UBXN4: variants seen among roughly 807,000 people sequenced by gnomAD.
UBXN4 encodes UBX domain protein 4, also known as UBX domain-containing protein 4.
Under a neutral mutation model 66.2 loss-of-function variants are expected in UBXN4, and 35 were observed. That is an observed-to-expected ratio of 0.53 (90% CI 0.40 to 0.70). The LOEUF is 0.70. UBXN4 is among the 30% of genes least tolerant of loss of function. The pLI, the probability that UBXN4 is intolerant of heterozygous loss-of-function variation, is 0.00. For synonymous variants in UBXN4, 203 were observed against 204.5 expected (o/e 0.99, Z 0.06); for missense variants, 533 against 599.8 (o/e 0.89, Z 1.16).
chr2:135,750,074 G>T (rs2077232515), intron 2 of UBXN4, among the ~76,000 whole-genome samples: 2 of 152,200 alleles, frequency 1.3e-5, no homozygotes, highest in African/African-American at 4.8e-5. Context: ...TCAGAAGACA[G>T]ATAATACCCT....
At chr2:135,757,766 T>G (rs957842643) in intron 5 of UBXN4, among the ~76,000 whole-genome samples, 2 of 152,088 alleles carry the variant, frequency 1.3e-5, no homozygotes. Flanking sequence ...AATCTCAGTT[T>G]TTTTTTAGCT....
In UBXN4 at chr2:135,784,388, T is replaced by G. The variant is rs576801933; in HGVS notation, c.*1501T>G. On this transcript the variant is annotated 3_prime_UTR_variant, in exon 13 of 13. Coordinates refer to ENST00000272638, the MANE Select transcript of UBXN4 (RefSeq NM_014607.4). The stretch of plus-strand genomic sequence containing the variant: ...AGTGTTGGGGGAAAAAGCAGCAGGA[T>G]CCAGAGCTATAGGTACAGTGTGATC... 1 of 152,284 alleles carries G rather than the reference T, an allele frequency of 6.6e-6. No individual in the cohort carries two copies. The highest frequency in any genetic ancestry group is 1.9e-4 in the East Asian group (1 of 5,194). The allele number at this position is 152,284 out of a possible 1,614,324, so 9.4% of individuals were successfully genotyped here.
intron 9 of UBXN4, among the ~76,000 whole-genome samples, chr2:135,775,294 C>G (rs1282051060): frequency 6.6e-6 from 1 of 152,190 alleles, no homozygotes; most frequent in Non-Finnish European, 1.5e-5. Flanking sequence ...TCTACAGCAG[C>G]AGTTTATACA....
Position 135,782,760 on chromosome 2 carries a change from G to C in UBXN4, c.1400G>C (p.Arg467Thr). 2.5e-6 allele frequency: 4 copies of C among 1,613,536 alleles called. No homozygotes were observed. The highest frequency in any genetic ancestry group is 3.4e-6 in the Non-Finnish European group (4 of 1,179,784). Residue 467 changes from arginine (R) to threonine (T), a missense_variant, in exon 13 of 13, where the codon AGA (arginine) becomes ACA (threonine). Coordinates refer to ENST00000272638, the MANE Select transcript of UBXN4 (RefSeq NM_014607.4). Reference sequence around the variant, plus strand: ...CTTTTTCGTATCAGGGAACCAGTGAGAAAAAGAGTGCTGGAAAAACGTGGA... The same window carrying C: ...CTTTTTCGTATCAGGGAACCAGTGACAAAAAGAGTGCTGGAAAAACGTGGA... Reference protein sequence around the residue: ...SSKSEKREPVRKRVLEKRGDD... With the variant: ...SSKSEKREPVTKRVLEKRGDD...
At chr2:135,759,830 G>A (rs754482757) in intron 5 of UBXN4, among the ~76,000 whole-genome samples, 19 of 143,468 alleles carry the variant, frequency 1.3e-4, no homozygotes, top group Non-Finnish European at 2.4e-4. Flanking sequence ...GTGCAGTGGC[G>A]CTATCTTGGC....
intron 8 of UBXN4, 83 bp from the exon 9 acceptor site, chr2:135,772,337 A>T: frequency 2.0e-6 from 3 of 1,531,120 alleles, no homozygotes; most frequent in Non-Finnish European, 2.6e-6. Flanking sequence ...TAAAAAAAAA[A>T]AATTCCATGC....
At chr2:135,769,725 A>AT (rs1314266627) in intron 6 of UBXN4, 44 bp from the exon 7 acceptor site, 5 of 1,385,754 alleles carry the variant, frequency 3.6e-6, no homozygotes, top group Non-Finnish European at 4.9e-6. Flanking sequence ...TTATATTAAT[A>AT]TGATGTGTCT....
intron 5 of UBXN4, among the ~76,000 whole-genome samples, chr2:135,760,961 A>G (rs2077311852): frequency 6.6e-6 from 1 of 152,208 alleles, no homozygotes; most frequent in Non-Finnish European, 1.5e-5. Context: ...TTTTACTACT[A>G]CTGTAGTAAC....
Position 135,768,112 on chromosome 2 carries a change from A to C in UBXN4, c.603-1657A>C, listed in dbSNP as rs543255402. Among the ~76,000 whole-genome samples the C allele has an allele frequency of 3.9e-5, 6 of 152,306 alleles. No individual in the cohort carries two copies. In the South Asian group the frequency reaches 1.2e-3, roughly 32 times the overall value. Reference sequence around the variant, plus strand: ...TATAATTCACTACCATGAAATTGAAAGTGTACAATTCAGTGAGTTTTAGTA... The same window carrying C: ...TATAATTCACTACCATGAAATTGAACGTGTACAATTCAGTGAGTTTTAGTA... On this transcript the variant is annotated intron_variant, in intron 6 of 12. Transcript: ENST00000272638.
intron 6 of UBXN4, among the ~76,000 whole-genome samples, chr2:135,768,959 C>CCT (rs1476878798): frequency 6.6e-6 from 1 of 152,056 alleles, no homozygotes. Flanking sequence ...GCCTCAGCCT[C>CCT]CTGCAGTGCT....
chr2:135,751,502 C>G (rs947806206), intron 2 of UBXN4, among the ~76,000 whole-genome samples: 1 of 151,314 alleles, frequency 6.6e-6, no homozygotes, highest in African/African-American at 2.4e-5. Flanking sequence ...AAACAAATTT[C>G]TATTAGCAGA....
At chr2:135,777,809 G>A (rs1254276529) in intron 10 of UBXN4, among the ~76,000 whole-genome samples, 1 of 151,560 alleles carries the variant, frequency 6.6e-6, no homozygotes. Flanking sequence ...CTTGAACCCA[G>A]GAGGCAGAGG....
intron 6 of UBXN4, among the ~76,000 whole-genome samples, chr2:135,766,164 A>C (rs1239642476): frequency 2.0e-5 from 3 of 152,160 alleles, no homozygotes; most frequent in African/African-American, 7.2e-5. Flanking sequence ...AAAAAAAAAA[A>C]AAAGTCGAAG....
At chr2:135,767,219 G>A (rs1178760669) in intron 6 of UBXN4, among the ~76,000 whole-genome samples, 1 of 152,102 alleles carries the variant, frequency 6.6e-6, no homozygotes, top group Non-Finnish European at 1.5e-5. Context: ...AAATTAGCTG[G>A]GCGTGGGGGT....
intron 2 of UBXN4, among the ~76,000 whole-genome samples, chr2:135,751,725 T>A (rs1335284841): frequency 6.6e-6 from 1 of 152,000 alleles, no homozygotes; most frequent in Non-Finnish European, 1.5e-5. Flanking sequence ...GTAAAAAGTT[T>A]ACAATTATTT....
At chr2:135,748,674 G>A (rs1365569121) in intron 2 of UBXN4, among the ~76,000 whole-genome samples, 1 of 150,918 alleles carries the variant, frequency 6.6e-6, no homozygotes. Context: ...ACAGTGAGCT[G>A]TGATCATGCC....
At chr2:135,761,262 A>G (rs532572018) in intron 5 of UBXN4, among the ~76,000 whole-genome samples, 1 of 152,366 alleles carries the variant, frequency 6.6e-6, no homozygotes, top group Non-Finnish European at 1.5e-5. Flanking sequence ...GAAAACTAGC[A>G]TAAAGAGGCT....
At chr2:135,780,419 T>C (rs758120521) in intron 12 of UBXN4, 34 bp downstream of exon 12, 29 of 1,591,820 alleles carry the variant, frequency 1.8e-5, no homozygotes, top group South Asian at 2.2e-5. Context: ...TTATAAAATA[T>C]GTAAGTCATG....
chr2:135,745,930 T>A (rs2077205273), intron 1 of UBXN4, among the ~76,000 whole-genome samples: 1 of 122,384 alleles, frequency 8.2e-6, no homozygotes, highest in Admixed American at 1.1e-4. Flanking sequence ...CAGGCTGGAG[T>A]ACAGTGGTGC....
Sources: gnomAD v4.1 joint callset for allele counts (sites outside exome capture counted in the v4.1 genomes callset) on GRCh38, gnomAD v4.1.1 for gene constraint, MANE v1.5 for transcripts, NCBI Gene and HGNC (gene_info 2026-07-23, HGNC 2026-07-21) for gene names.